SLC36A1: variants seen among roughly 807,000 people sequenced by gnomAD.
SLC36A1 encodes proton-coupled amino acid transporter 1.
A neutral mutation model predicts 47.5 loss-of-function variants in SLC36A1; 30 were observed. The ratio of observed to expected loss-of-function variants is 0.63; its 90% CI spans 0.47 to 0.86. The LOEUF is 0.86. SLC36A1 is among the 40% of genes least tolerant of loss of function. SLC36A1 has a pLI of 0.00. For missense variants in SLC36A1, 517 were observed against 606.0 expected (o/e 0.85, Z 1.54); for synonymous variants, 255 against 249.7 (o/e 1.02, Z -0.20).
the SLC36A1 span, among the ~76,000 whole-genome samples, chr5:151,531,395 C>G: frequency 1.3e-5 from 2 of 152,098 alleles, no homozygotes; most frequent in African/African-American, 2.4e-5. The surrounding 1 kb of genome is among the most constrained non-coding windows in gnomAD (Gnocchi z 5.7). Flanking sequence ...AGGGAGGCTC[C>G]CACATAAGCT....
At chr5:151,406,376 T>C in the SLC36A1 span, 1 of 152,260 alleles carries the variant, frequency 6.6e-6, no homozygotes, top group Non-Finnish European at 1.5e-5. Flanking sequence ...CCTGTCAGGC[T>C]CCAGAGCCAG....
the SLC36A1 span, among the ~76,000 whole-genome samples, chr5:151,356,586 T>C: frequency 4.6e-4 from 70 of 152,166 alleles, no homozygotes; most frequent in Non-Finnish European, 1.5e-4. Flanking sequence ...AGGCACTGGC[T>C]CTCCTCCTGA....
chr5:151,515,394 A>G, the SLC36A1 span, among the ~76,000 whole-genome samples: 16 of 152,222 alleles, frequency 1.1e-4, no homozygotes, highest in African/African-American at 3.9e-4. Flanking sequence ...GGCTTTCAGT[A>G]CCACGTATGC....
intron 9 of SLC36A1, chr5:151,477,039 A>G (rs1758167472): frequency 2.0e-6 from 1 of 501,102 alleles, no homozygotes; most frequent in South Asian, 1.8e-5. Context: ...TAGTCCATTC[A>G]TGGTAAACCA....
chr5:151,430,314 G>A, the SLC36A1 span, among the ~76,000 whole-genome samples: 884 of 145,464 alleles, frequency 6.1e-3, 22 homozygotes, highest in African/African-American at 0.022. Context: ...ACAGGTGTGC[G>A]CCACCACACC....
the SLC36A1 span, among the ~76,000 whole-genome samples, chr5:151,357,791 C>G: frequency 6.6e-6 from 1 of 152,262 alleles, no homozygotes; most frequent in Non-Finnish European, 1.5e-5. Context: ...AGCATGAACT[C>G]TGTGCCTTCT....
the SLC36A1 span, chr5:151,510,157 G>A: frequency 1.2e-6 from 2 of 1,614,114 alleles, no homozygotes; most frequent in African/African-American, 2.7e-5. Context: ...AACTGTGGGG[G>A]ACATTTGCAG....
At position 151,467,704 on chromosome 5, in the gene SLC36A1, T is replaced by C. The variant is rs1756648406; in HGVS notation, c.505-3T>C. On this transcript the variant is annotated splice_polypyrimidine_tract_variant and splice_region_variant and intron_variant, in intron 6 of 10. Coordinates refer to ENST00000243389, the MANE Select transcript of SLC36A1 (RefSeq NM_078483.4). ...TCCGTTTTCTTCCTTCCCCTCATTC[T>C]AGGTGATAGAAGCGGCCAATGGGAC... is the stretch of plus-strand genomic sequence containing the variant. 1.9e-6 allele frequency: 3 copies of C among 1,613,028 alleles called. No homozygotes were observed. The highest frequency in any genetic ancestry group is 1.1e-5 in the South Asian group (1 of 91,046).
At chr5:151,436,367 A>T (rs1759778145), upstream of SLC36A1, among the ~76,000 whole-genome samples, 1 of 152,148 alleles carries the variant, frequency 6.6e-6, no homozygotes, top group Non-Finnish European at 1.5e-5. Context: ...TAGCCTCTAC[A>T]GTACTGAAAG....
At chr5:151,499,770 A>G in the SLC36A1 span, among the ~76,000 whole-genome samples, 1 of 152,180 alleles carries the variant, frequency 6.6e-6, no homozygotes, top group African/African-American at 2.4e-5. Flanking sequence ...CAGCCCCTGA[A>G]GGAAGTCGTT....
intron 6 of SLC36A1, 43 bp downstream of exon 6, chr5:151,467,326 G>T: frequency 8.8e-7 from 1 of 1,136,524 alleles, no homozygotes; most frequent in Non-Finnish European, 1.3e-6. Flanking sequence ...AAAAACCAGA[G>T]CGAGAATGGC....
the SLC36A1 span, chr5:151,542,213 A>G: frequency 6.8e-7 from 1 of 1,465,546 alleles, no homozygotes. Context: ...ACATGAACCC[A>G]TTTTAGGGCA....
chr5:151,376,676 A>G, the SLC36A1 span, among the ~76,000 whole-genome samples: 13 of 152,162 alleles, frequency 8.5e-5, no homozygotes, highest in Admixed American at 3.3e-4. Flanking sequence ...CTTGTTGCCC[A>G]GGCTGGAGTG....
intron 1 of SLC36A1, among the ~76,000 whole-genome samples, chr5:151,438,859 A>G (rs1026417209): frequency 6.6e-6 from 1 of 152,158 alleles, no homozygotes; most frequent in Admixed American, 6.5e-5. Flanking sequence ...GCATGCATCT[A>G]TTACCTTTGC....
intron 7 of SLC36A1, among the ~76,000 whole-genome samples, chr5:151,468,274 T>TATATATATATATAAA: frequency 1.3e-5 from 1 of 78,070 alleles, no homozygotes; most frequent in African/African-American, 5.5e-5. Flanking sequence ...AAAATATATA[T>TATATATATATATAAA]ATATATATAT....
chr5:151,512,083 G>T, the SLC36A1 span: 9 of 1,362,214 alleles, frequency 6.6e-6, no homozygotes, highest in Non-Finnish European at 9.1e-6. This position sits in a 1 kb window ranked among gnomAD's most constrained non-coding sequence, Gnocchi z 4.1. Flanking sequence ...GAGGCTCTGA[G>T]ATCTCCACCC....
chr5:151,395,901 C>T, the SLC36A1 span, among the ~76,000 whole-genome samples: 1 of 152,088 alleles, frequency 6.6e-6, no homozygotes, highest in African/African-American at 2.4e-5. Flanking sequence ...CCTCCACCTC[C>T]CGAGTTCAAG....
At chr5:151,537,439 A>AGAGGG in the SLC36A1 span, among the ~76,000 whole-genome samples, 1 of 146,954 alleles carries the variant, frequency 6.8e-6, no homozygotes, top group Non-Finnish European at 1.5e-5. Context: ...AGAGGAAAGG[A>AGAGGG]GAGGGGAGGG....
At chr5:151,532,114 T>C in the SLC36A1 span, 16 of 1,041,070 alleles carry the variant, frequency 1.5e-5, no homozygotes, top group Non-Finnish European at 2.2e-5. Flanking sequence ...AGAGTGAGGG[T>C]CTCTCCAGCG....
Sources: gnomAD v4.1 joint callset for allele counts (sites outside exome capture counted in the v4.1 genomes callset) on GRCh38, gnomAD v4.1.1 for gene constraint, Gnocchi (gnomAD v3.1) non-coding constraint, MANE v1.5 for transcripts, NCBI Gene and HGNC (gene_info 2026-07-23, HGNC 2026-07-21) for gene names.